Variants in TMPRSS11B observed in about 807,000 individuals in gnomAD.
TMPRSS11B encodes transmembrane serine protease 11B, also known as transmembrane protease serine 11B.
TMPRSS11B carries 53 observed loss-of-function variants against 44.7 expected under a neutral mutation model. The observed-to-expected ratio is 1.19, with a 90% CI of 0.95 to 1.49. TMPRSS11B has a LOEUF of 1.49. Ranked by LOEUF, TMPRSS11B falls within the 40% of genes most tolerant of loss-of-function variation. The probability of loss-of-function intolerance (pLI) is 0.00; values close to 1 mark genes in which losing one functional copy is unlikely to be tolerated. For missense variants in TMPRSS11B, 526 were observed against 494.8 expected (o/e 1.06, Z -0.60); for synonymous variants, 140 against 159.2 (o/e 0.88, Z 0.91).
rs1719427216 is a variant in TMPRSS11B, at chr4:68,228,840, C to CA, written c.990dup (p.Asp331Ter). 1 of 1,613,520 alleles carries CA rather than the reference C, an allele frequency of 6.2e-7. No homozygotes were observed. Among genetic ancestry groups the CA allele is most frequent in the South Asian group, 1.1e-5 (1 of 90,950 alleles). On this transcript the variant is annotated frameshift_variant, in exon 9 of 10. Transcript: ENST00000332644. LOFTEE classifies it high-confidence loss of function. ...TATGAGGCATTGCAAATTTTGTTGT[C>CA]AATAATCTTCAAAAAGTCTTCTTGA...
In TMPRSS11B at chr4:68,228,991, C is replaced by T. The variant is rs960357255; in HGVS notation, c.947-107G>A. ...CTCTCTTGGTCACCAAGAGTCAGGC[C>T]AGTCCCAGGTTAGATTAGTCTCTTT... On this transcript the variant is annotated intron_variant, in intron 8 of 9. Transcript: ENST00000332644. 4 of 1,238,242 alleles carry T rather than the reference C, an allele frequency of 3.2e-6. No homozygotes were observed. In the African/African-American group the frequency reaches 6.1e-5, roughly 19 times the overall value. The allele number at this position is 1,238,242 out of a possible 1,614,324, so 76.7% of individuals were successfully genotyped here.
chr4:68,230,309 G>A (rs1034159190), intron 7 of TMPRSS11B, among the ~76,000 whole-genome samples: 1 of 152,068 alleles, frequency 6.6e-6, no homozygotes, highest in African/African-American at 2.4e-5. Flanking sequence ...TACGTCAGAT[G>A]GATATGCTGT....
chr4:68,239,637 CTG>C (rs1719768841), intron 2 of TMPRSS11B, among the ~76,000 whole-genome samples: 1 of 152,156 alleles, frequency 6.6e-6, no homozygotes, highest in South Asian at 2.1e-4. Flanking sequence ...ACATGGTAAA[CTG>C]CCCTCCATTT....
intron 5 of TMPRSS11B, among the ~76,000 whole-genome samples, chr4:68,233,962 G>A (rs1411088990): frequency 6.6e-6 from 1 of 151,936 alleles, no homozygotes; most frequent in Non-Finnish European, 1.5e-5. Flanking sequence ...ACAAGGTCGG[G>A]AGTTCAAGAC....
Position 68,227,999 on chromosome 4 carries a change from C to A in TMPRSS11B, c.1163G>T (p.Gly388Val). Residue 388 changes from glycine (G) to valine (V), a missense_variant, in exon 10 of 10, where the codon GGT becomes GTT. Physicochemically the swap from Gly to Val is moderately radical, Grantham distance 109 (BLOSUM62 -3). Transcript: ENST00000332644. ...CTTATTCTTTTTACCACATCCATCA[C>A]CCCAGCTTACTATTCCAACAAGATG... is the stretch of plus-strand genomic sequence containing the variant. The part of the protein sequence containing the change: ...IWHLVGIVSW[G>V]DGCGKKNKPG... 6.2e-7 allele frequency: 1 copy of A among 1,613,854 alleles called. No homozygotes were observed. Among genetic ancestry groups the A allele is most frequent in the Middle Eastern group, 1.7e-4 (1 of 6,060 alleles).
At chr4:68,234,783 T>TA (rs372150455) in intron 4 of TMPRSS11B, among the ~76,000 whole-genome samples, 160 bp from the exon 5 acceptor site, 1 of 152,188 alleles carries the variant, frequency 6.6e-6, no homozygotes, top group Non-Finnish European at 1.5e-5. Context: ...CAAAGATATC[T>TA]AAAAAAACTT....
intron 5 of TMPRSS11B, among the ~76,000 whole-genome samples, chr4:68,233,110 A>C (rs1247985412): frequency 6.6e-6 from 1 of 152,028 alleles, no homozygotes; most frequent in Non-Finnish European, 1.5e-5. Context: ...AAGAGGAGGA[A>C]ACTAAAGAAA....
At chr4:68,230,779 G>A (rs1448020024) in intron 7 of TMPRSS11B, among the ~76,000 whole-genome samples, 1 of 150,112 alleles carries the variant, frequency 6.7e-6, no homozygotes, top group Non-Finnish European at 1.5e-5. Context: ...ACTCCAACCT[G>A]GGCAACAGAT....
intron 9 of TMPRSS11B, 116 bp downstream of exon 9, chr4:68,228,626 T>C (rs996207934): frequency 8.2e-5 from 84 of 1,021,226 alleles, no homozygotes; most frequent in Non-Finnish European, 1.0e-4. Flanking sequence ...ATTTTTAGTG[T>C]ATTGAAATAC....
chr4:68,231,426 G>A (rs375077453), intron 6 of TMPRSS11B, 46 bp from the exon 7 acceptor site: 232 of 1,358,618 alleles, frequency 1.7e-4, no homozygotes, highest in Middle Eastern at 5.7e-4. Flanking sequence ...CTTTGATTAC[G>A]CATTATAAAA....
intron 4 of TMPRSS11B, among the ~76,000 whole-genome samples, chr4:68,234,947 T>C (rs1719620702): frequency 6.6e-6 from 1 of 152,140 alleles, no homozygotes; most frequent in African/African-American, 2.4e-5. Flanking sequence ...AGTGCTCTCA[T>C]AAAGAATTTT....
At position 68,227,746 on chromosome 4, in the gene TMPRSS11B, G is replaced by T. The variant is rs1719393674; in HGVS notation, c.*165C>A. 3.0e-6 allele frequency: 1 copy of T among 337,762 alleles called. No individual in the cohort carries two copies. Among genetic ancestry groups the T allele is most frequent in the Non-Finnish European group, 4.6e-6 (1 of 215,150 alleles). The allele number at this position is 337,762 out of a possible 1,614,324, so 20.9% of individuals were successfully genotyped here. On this transcript the variant is annotated 3_prime_UTR_variant, in exon 10 of 10. Coordinates refer to ENST00000332644, the MANE Select transcript of TMPRSS11B (RefSeq NM_182502.3). ...ACATTAATTTAAAAGATTAATAAAT[G>T]CATGGACAGTGTTTTAGATATAATA...
At chr4:68,242,248 AT>A (rs1560445426) in intron 1 of TMPRSS11B, among the ~76,000 whole-genome samples, 1 of 79,822 alleles carries the variant, frequency 1.3e-5, no homozygotes, top group Non-Finnish European at 2.2e-5. Flanking sequence ...ATTATATTAT[AT>A]ATATTATAAT....
Position 68,228,845 on chromosome 4 carries a change from A to T in TMPRSS11B, c.986T>A (p.Ile329Asn). 1 of 1,613,796 alleles carries T rather than the reference A, an allele frequency of 6.2e-7. No homozygotes were observed. Residue 329 changes from isoleucine (I) to asparagine (N), a missense_variant, in exon 9 of 10, where the codon ATT becomes AAT. Physicochemically the swap from Ile to Asn is moderately radical, Grantham distance 149. Transcript: ENST00000332644. ...PVILQEDFLK[I>N]IDNKICNASY... is the part of the protein sequence containing the mutation. ...GGCATTGCAAATTTTGTTGTCAATA[A>T]TCTTCAAAAAGTCTTCTTGAAGTAT...
At chr4:68,245,063 T>C (rs1006782021) in intron 1 of TMPRSS11B, among the ~76,000 whole-genome samples, 5 of 152,196 alleles carry the variant, frequency 3.3e-5, no homozygotes, top group African/African-American at 9.6e-5. Context: ...AAGGAAGTCA[T>C]TGGAAAATTT....
At position 68,241,824 on chromosome 4, in the gene TMPRSS11B, T is replaced by C. The variant is rs552433614; in HGVS notation, c.9-20A>G. 2.6e-6 allele frequency: 4 copies of C among 1,532,710 alleles called. No homozygotes were observed. In the East Asian group the frequency reaches 6.7e-5, roughly 26 times the overall value. 94.9% of individuals were successfully genotyped at this position (1,532,710 alleles called of 1,614,324 possible). On this transcript the variant is annotated intron_variant, in intron 1 of 9. Coordinates refer to ENST00000332644, the MANE Select transcript of TMPRSS11B (RefSeq NM_182502.3). ...CCGTGCCTATGAAAGAGGAAAATTT[T>C]GGTTCAAATCAGATAATAACAATCA...
intron 7 of TMPRSS11B, among the ~76,000 whole-genome samples, chr4:68,230,341 A>G (rs1279052553): frequency 6.6e-6 from 1 of 152,160 alleles, no homozygotes; most frequent in Non-Finnish European, 1.5e-5. Flanking sequence ...TTTCCATCGT[A>G]CTTACTATCT....
At position 68,234,514 on chromosome 4, in the gene TMPRSS11B, T is replaced by G. The variant is rs989338453; in HGVS notation, c.418A>C (p.Lys140Gln). The change falls in exon 5 of 10, where the codon AAA becomes CAA. Residue 140 changes from lysine (K) to glutamine (Q), a missense_variant. Transcript: ENST00000332644. ...KIKAKLHQML[K>Q]NNMASWNAVP... ...GCATTCCAGGATGCCATGTTGTTTT[T>G]CAACATCTGATGTAATTTAGCCTTG... 3 of 1,613,912 alleles carry G rather than the reference T, an allele frequency of 1.9e-6. No homozygotes were observed. The African/African-American group carries it at 4.0e-5, about 22-fold the overall frequency.
At chr4:68,238,957 T>C (rs936026589) in intron 2 of TMPRSS11B, among the ~76,000 whole-genome samples, 2 of 152,202 alleles carry the variant, frequency 1.3e-5, no homozygotes, top group African/African-American at 4.8e-5. Flanking sequence ...TCATACATCA[T>C]GCCCAGATTC....
Sources: gnomAD v4.1 joint callset for allele counts (sites outside exome capture counted in the v4.1 genomes callset) on GRCh38, gnomAD v4.1.1 for gene constraint, MANE v1.5 for transcripts, NCBI Gene and HGNC (gene_info 2026-07-23, HGNC 2026-07-21) for gene names.